The following NCAPH2 variants were observed in gnomAD, a reference collection of about 807,000 sequenced individuals.
NCAPH2 encodes non-SMC condensin II complex subunit H2, also known as condensin-2 complex subunit H2.
In NCAPH2, 56 loss-of-function variants were observed where a neutral mutation model predicts 88.6. The observed-to-expected ratio is 0.63, with a 90% CI of 0.51 to 0.79. The LOEUF (loss-of-function observed/expected upper bound fraction) is 0.79, where lower values mean the gene tolerates loss of function less well. Ranked by LOEUF, NCAPH2 falls within the 30% of genes least tolerant of loss-of-function variation. The pLI is 0.00. For missense variants in NCAPH2, 794 were observed against 792.0 expected (o/e 1.00, Z -0.03); for synonymous variants, 378 against 313.6 (o/e 1.21, Z -2.17).
chr22:50,519,832 C>T lies in NCAPH2; in HGVS notation c.861+512C>T, dbSNP rs2069035860. ...TATTTGTCATATTCTATTCATTTTT[C>T]CTAGTTTTGAAGAAGAGTACCCCGT... is the stretch of plus-strand genomic sequence containing the variant. On this transcript the variant is annotated intron_variant, in intron 9 of 19. Transcript: ENST00000420993. 1.4e-5 allele frequency: 13 copies of T among 900,686 alleles called. 1 individual carries two copies. In the South Asian group the frequency reaches 6.1e-4, roughly 42 times the overall value. 55.8% of individuals were successfully genotyped at this position (900,686 alleles called of 1,614,324 possible). A position where few individuals can be genotyped will look rare whatever the true frequency, so the allele number is the denominator to read the frequency against.
intron 1 of NCAPH2, among the ~76,000 whole-genome samples, chr22:50,514,779 C>T (rs775803760): frequency 2.0e-5 from 3 of 152,198 alleles, no homozygotes; most frequent in Admixed American, 6.5e-5. Context: ...TGACAAACAC[C>T]CTTTATCCTT....
Position 50,522,917 on chromosome 22 carries a change from G to A in NCAPH2, c.1522G>A (p.Glu508Lys). The stretch of plus-strand genomic sequence containing the variant: ...GGACACAGTGCAGCCTCTGCTCCAG[G>A]AGCAGGTGAGGCGGGGCCGCTGGGA... ...WEDTVQPLLQEQEQHVPFDIH... is the reference protein window; with the variant it reads ...WEDTVQPLLQKQEQHVPFDIH... Residue 508 changes from glutamate (E) to lysine (K), a missense_variant, in exon 18 of 20, where the codon GAG becomes AAG. Around this residue, in one of 2 missense-constraint regions of NCAPH2, gnomAD observed 735 missense variants for 696.3 expected, o/e 1.06. Transcript: ENST00000420993. 6.2e-7 allele frequency: 1 copy of A among 1,613,144 alleles called. No individual in the cohort carries two copies. The highest frequency in any genetic ancestry group is 1.3e-5 in the African/African-American group (1 of 75,048).
intron 1 of NCAPH2, among the ~76,000 whole-genome samples, chr22:50,514,499 C>T (rs1037336212): frequency 7.9e-5 from 12 of 152,218 alleles, no homozygotes; most frequent in Non-Finnish European, 1.5e-4. Flanking sequence ...TTGAAGAAGG[C>T]AGCTGAACAT....
chr22:50,509,769 C>T (rs905653188), intron 1 of NCAPH2, among the ~76,000 whole-genome samples: 1 of 152,266 alleles, frequency 6.6e-6, no homozygotes, highest in African/African-American at 2.4e-5. Flanking sequence ...CCCAAATTTC[C>T]TTCTCTGAAC....
chr22:50,512,936 T>C (rs1052069653), intron 1 of NCAPH2, among the ~76,000 whole-genome samples: 22 of 152,236 alleles, frequency 1.4e-4, no homozygotes, highest in East Asian at 1.9e-4. Context: ...CCAAGAACCA[T>C]GTTAAACTTT....
At chr22:50,520,593 C>A in intron 9 of NCAPH2, 2 of 139,464 alleles carry the variant, frequency 1.4e-5, no homozygotes, top group Non-Finnish European at 3.0e-5. Flanking sequence ...GAGTCTTGTT[C>A]TTTTGCCCAG....
chr22:50,523,351 T>C lies in NCAPH2; in HGVS notation c.1794T>C (p.Ala598=), dbSNP rs1569521370. ...CGCACAAGCGCTTCCAGACCTACGC[T>C]GCCCCCTCCATGGCCCAGCCCTGAG... ...QRAHKRFQTY[A]APSMAQP Residue 598 remains alanine (A), a synonymous_variant, in exon 20 of 20, where the codon GCT becomes GCC. Coordinates refer to ENST00000420993, the MANE Select transcript of NCAPH2 (RefSeq NM_152299.4). 1.9e-6 allele frequency: 3 copies of C among 1,556,996 alleles called. No homozygotes were observed. The highest frequency in any genetic ancestry group is 2.6e-6 in the Non-Finnish European group (3 of 1,150,928).
chr22:50,513,021 C>G (rs1480165284), intron 1 of NCAPH2, among the ~76,000 whole-genome samples: 1 of 152,204 alleles, frequency 6.6e-6, no homozygotes, highest in African/African-American at 2.4e-5. Flanking sequence ...GAAGACGGGT[C>G]CAAGAGAGTA....
chr22:50,521,889 G>A (rs375489811), intron 12 of NCAPH2, 41 bp downstream of exon 12: 152 of 1,613,356 alleles, frequency 9.4e-5, no homozygotes, highest in Non-Finnish European at 1.2e-4. Context: ...CTGGGAGCTG[G>A]GGGCTGGGCC....
In NCAPH2 at chr22:50,508,455, G is replaced by A; in HGVS notation, c.108+10G>A. 7.2e-7 allele frequency: 1 copy of A among 1,384,778 alleles called. No individual in the cohort carries two copies. The highest frequency in any genetic ancestry group is 3.1e-5 in the East Asian group (1 of 32,088). The allele number at this position is 1,384,778 out of a possible 1,614,324, so 85.8% of individuals were successfully genotyped here. ...CGAGTATCTGGAGGAGGTAAGGGCG[G>A]CGGGGGAGTGACGCGGGGTGGGCCG... On this transcript the variant is annotated intron_variant, in intron 1 of 19. Transcript: ENST00000420993.
chr22:50,521,549 C>G lies in NCAPH2; in HGVS notation c.940C>G (p.Pro314Ala), dbSNP rs780370515. The change falls in exon 11 of 20, where the codon CCA (proline) becomes GCA (alanine). Residue 314 changes from proline (P) to alanine (A), a missense_variant. Pro to Ala is a conservative substitution (Grantham distance 27). Transcript: ENST00000420993. ...TCTTGTGCTCTGTGCCCAGGAGACT[C>G]CAGACCCCTGGCAGAGCCTGGACCC... ...PEPASCVKET[P>A]DPWQSLDPFD... 1 of 1,613,556 alleles carries G rather than the reference C, an allele frequency of 6.2e-7. No individual in the cohort carries two copies. Among genetic ancestry groups the G allele is most frequent in the Non-Finnish European group, 8.5e-7 (1 of 1,179,998 alleles).
chr22:50,524,353 C>G lies in NCAPH2; in HGVS notation c.*978C>G, dbSNP rs140523. 0.62 allele frequency: 996,851 copies of G among 1,601,392 alleles called. 311,389 individuals carry two copies. The highest frequency in any genetic ancestry group is 0.72 in the East Asian group (32,178 of 44,848). On this transcript the variant is annotated 3_prime_UTR_variant, in exon 20 of 20. Transcript: ENST00000420993. ...GCCTCCCAGGGTCCCAGGGAGGACC[C>G]GAGGCTTGAGCTGAGAGAGCCTGTG...
intron 1 of NCAPH2, among the ~76,000 whole-genome samples, chr22:50,512,488 C>T (rs964959141): frequency 3.3e-5 from 5 of 151,112 alleles, no homozygotes; most frequent in Non-Finnish European, 7.4e-5. Flanking sequence ...TATCTTTTTC[C>T]TTCTGTCATT....
intron 1 of NCAPH2, among the ~76,000 whole-genome samples, chr22:50,515,536 A>G (rs1603440832): frequency 6.6e-6 from 1 of 152,124 alleles, no homozygotes; most frequent in East Asian, 1.9e-4. Flanking sequence ...AGCTGGGACT[A>G]CAGGCGCCCG....
At chr22:50,512,133 C>A (rs2068800971) in intron 1 of NCAPH2, among the ~76,000 whole-genome samples, 1 of 152,236 alleles carries the variant, frequency 6.6e-6, no homozygotes, top group Non-Finnish European at 1.5e-5. Flanking sequence ...TGTCTCCACC[C>A]TAGAATGTGA....
chr22:50,518,504 C>T, intron 7 of NCAPH2, 145 bp from the exon 8 acceptor site: 2 of 1,026,260 alleles, frequency 1.9e-6, no homozygotes, highest in Non-Finnish European at 2.8e-6. Context: ...TGGCTCAGGG[C>T]CCTGCTGTCT....
At position 50,522,856 on chromosome 22, in the gene NCAPH2, G is replaced by GGAGACAGAGCT; in HGVS notation, c.1465_1475dup (p.Ser492ArgfsTer4). The GGAGACAGAGCT allele has an allele frequency of 6.2e-7, 1 of 1,613,548 alleles. No individual in the cohort carries two copies. Among genetic ancestry groups the GGAGACAGAGCT allele is most frequent in the Non-Finnish European group, 8.5e-7 (1 of 1,180,000 alleles). ...TCGCCACCTCCCAGAAGTTTGTCCA[G>GGAGACAGAGCT]GAGACAGAGCTGAGCCAGCGCATCA... On this transcript the variant is annotated frameshift_variant, in exon 18 of 20. Transcript: ENST00000420993. LOFTEE classifies it high-confidence loss of function.
chr22:50,521,370 C>T lies in NCAPH2; in HGVS notation c.934-173C>T, dbSNP rs62239488. ...CTCCTTTGGGAGGGTGGCTGTGAAC[C>T]CCCTACTCCTCCTTTGGGAGGGTGG... On this transcript the variant is annotated intron_variant, in intron 10 of 19. Coordinates refer to ENST00000420993, the MANE Select transcript of NCAPH2 (RefSeq NM_152299.4). 1.0e-3 allele frequency among the ~76,000 whole-genome samples: 35 copies of T among 34,046 alleles called. No homozygotes were observed. In the South Asian group the frequency reaches 0.012, roughly 11 times the overall value. The allele number at this position is 34,046 out of a possible 152,430, so 22.3% of individuals were successfully genotyped here. A position where few individuals can be genotyped will look rare whatever the true frequency, so the allele number is the denominator to read the frequency against.
At chr22:50,520,162 G>T (rs901060950) in intron 9 of NCAPH2, among the ~76,000 whole-genome samples, 4 of 151,776 alleles carry the variant, frequency 2.6e-5, no homozygotes, top group East Asian at 1.9e-4. Flanking sequence ...GAGCCACCAC[G>T]CCCGGCCCAC....
Sources: gnomAD v4.1 joint callset for allele counts (sites outside exome capture counted in the v4.1 genomes callset) on GRCh38, gnomAD v4.1.1 for gene constraint, gnomAD v4.1.1 regional missense constraint, MANE v1.5 for transcripts, NCBI Gene and HGNC (gene_info 2026-07-23, HGNC 2026-07-21) for gene names.